Variants in DCLRE1A observed in about 807,000 individuals in gnomAD.
The protein encoded by DCLRE1A is DNA cross-link repair 1A protein.
A neutral mutation model predicts 91.9 loss-of-function variants in DCLRE1A; 64 were observed. That is an observed-to-expected ratio of 0.70 (90% CI 0.57 to 0.86). The LOEUF (loss-of-function observed/expected upper bound fraction) is 0.86, where lower values mean the gene tolerates loss of function less well. Among genes scored for constraint, DCLRE1A ranks in the 40% least tolerant of loss-of-function variants. The probability of loss-of-function intolerance (pLI) is 0.00; values close to 1 mark genes in which losing one functional copy is unlikely to be tolerated. For synonymous variants in DCLRE1A, 416 were observed against 431.1 expected, an observed-to-expected ratio of 0.96 and a Z score of 0.43; for missense variants, 1,145 against 1,213.3, an observed-to-expected ratio of 0.94 and a Z score of 0.84.
chr10:113,839,247 C>T (rs1222373557), intron 7 of DCLRE1A, among the ~76,000 whole-genome samples: 1 of 146,444 alleles, frequency 6.8e-6, no homozygotes, highest in Non-Finnish European at 1.5e-5. Flanking sequence ...ATAGCATGAA[C>T]CCGGGAGGTG....
intron 5 of DCLRE1A, among the ~76,000 whole-genome samples, chr10:113,843,645 G>A (rs1478073637): frequency 1.3e-5 from 2 of 152,166 alleles, no homozygotes; most frequent in African/African-American, 4.8e-5. Flanking sequence ...AATGGCTTGT[G>A]CCATTATATT....
chr10:113,852,818 C>T lies in DCLRE1A; in HGVS notation c.365G>A (p.Cys122Tyr), dbSNP rs1332389776. Residue 122 changes from cysteine to tyrosine, a missense_variant, in exon 1 of 9, where the codon TGT becomes TAT. Coordinates refer to ENST00000361384, the MANE Select transcript of DCLRE1A (RefSeq NM_014881.5). ...GGAAAAAGGCATCTGGCAATTTGGA[C>T]AGTATCCATCATAAACTGGACGTAT... ...PKIRPVYDGY[C>Y]PNCQMPFSSL... 1 of 1,614,056 alleles carries T rather than the reference C, an allele frequency of 6.2e-7. No homozygotes were observed. Among genetic ancestry groups the T allele is most frequent in the Non-Finnish European group, 8.5e-7 (1 of 1,180,030 alleles).
At position 113,849,146 on chromosome 10, in the gene DCLRE1A, T is replaced by G. The variant is rs764138267; in HGVS notation, c.1959A>C (p.Ser653=). Residue 653 remains serine, a synonymous_variant, in exon 2 of 9, where the codon TCA becomes TCC. Coordinates refer to ENST00000361384, the MANE Select transcript of DCLRE1A (RefSeq NM_014881.5). ...SLQEGACQKR[S]DHLINTESEA... is the part of the protein sequence containing the mutation. Reference sequence around the variant, plus strand: ...CAGATTCTGTATTAATAAGGTGATCTGATCTCTTCTGACACGCTCCTTCCT... The same window carrying G: ...CAGATTCTGTATTAATAAGGTGATCGGATCTCTTCTGACACGCTCCTTCCT... 4 of 1,614,148 alleles carry G rather than the reference T, an allele frequency of 2.5e-6. No individual in the cohort carries two copies. The highest frequency in any genetic ancestry group is 3.4e-6 in the Non-Finnish European group (4 of 1,180,020).
rs1180887578 is a variant in DCLRE1A at position 113,853,453 on chromosome 10, T to C, written c.-271A>G. 2 of 324,292 alleles carry C rather than the reference T, an allele frequency of 6.2e-6. No individual in the cohort carries two copies. The highest frequency in any genetic ancestry group is 1.1e-5 in the Non-Finnish European group (2 of 179,238). 20.1% of individuals were successfully genotyped at this position (324,292 alleles called of 1,614,324 possible). A position where few individuals can be genotyped will look rare whatever the true frequency, so the allele number is the denominator to read the frequency against. On this transcript the variant is annotated 5_prime_UTR_variant, in exon 1 of 9. In the 5' UTR this introduces an upstream ATG that the reference lacks. Coordinates refer to ENST00000361384, the MANE Select transcript of DCLRE1A (RefSeq NM_014881.5). ...GAGTAGCAACTGTGAAGTTCTCCAT[T>C]ATGGGTGCTATTTCATTCAAATATC...
intron 8 of DCLRE1A, among the ~76,000 whole-genome samples, chr10:113,835,882 C>T (rs1460765962): frequency 1.3e-5 from 2 of 152,136 alleles, no homozygotes; most frequent in Non-Finnish European, 2.9e-5. Context: ...TTGCAGTGAG[C>T]CGAGATCGTG....
At chr10:113,839,345 A>G (rs888808120) in intron 7 of DCLRE1A, among the ~76,000 whole-genome samples, 2 of 151,390 alleles carry the variant, frequency 1.3e-5, no homozygotes, top group African/African-American at 4.8e-5. Context: ...AAAAAAAAAA[A>G]AAAAAGAAAT....
chr10:113,844,065 C>T (rs999144839), intron 5 of DCLRE1A, 39 bp downstream of exon 5: 2 of 1,610,320 alleles, frequency 1.2e-6, no homozygotes, highest in African/African-American at 2.7e-5. Context: ...CAAAGGCTGT[C>T]AGTGGGAAAA....
chr10:113,850,959 T>C (rs1172330529), intron 1 of DCLRE1A, among the ~76,000 whole-genome samples: 1 of 152,124 alleles, frequency 6.6e-6, no homozygotes, highest in African/African-American at 2.4e-5. Flanking sequence ...TTTCCAGATT[T>C]ATCAAAAAAT....
At chr10:113,836,910 A>G in intron 8 of DCLRE1A, 152 bp downstream of exon 8, 1 of 633,082 alleles carries the variant, frequency 1.6e-6, no homozygotes, top group South Asian at 2.5e-5. Context: ...ACAATGGACT[A>G]GATACAGGAT....
At chr10:113,836,987 G>A in intron 8 of DCLRE1A, 75 bp downstream of exon 8, 2 of 1,326,144 alleles carry the variant, frequency 1.5e-6, no homozygotes, top group Admixed American at 5.2e-5. Flanking sequence ...TGTTGGATTT[G>A]AACCTTATTA....
Position 113,852,891 on chromosome 10 carries a change from G to A in DCLRE1A, c.292C>T (p.Pro98Ser). 6.2e-7 allele frequency: 1 copy of A among 1,614,088 alleles called. No individual in the cohort carries two copies. Among genetic ancestry groups the A allele is most frequent in the Non-Finnish European group, 8.5e-7 (1 of 1,180,024 alleles). ...IQQTQDKETT[P>S]GKLCRTQKSQ... Reference sequence around the variant, plus strand: ...TTTTGAGTTCTACAGAGTTTTCCTGGAGTAGTTTCCTTGTCTTGGGTCTGC... The same window carrying A: ...TTTTGAGTTCTACAGAGTTTTCCTGAAGTAGTTTCCTTGTCTTGGGTCTGC... The change falls in exon 1 of 9, where the codon CCA becomes TCA. Residue 98 changes from proline to serine, a missense_variant. Transcript: ENST00000361384.
At chr10:113,846,217 G>A (rs1845534718) in intron 3 of DCLRE1A, among the ~76,000 whole-genome samples, 1 of 152,048 alleles carries the variant, frequency 6.6e-6, no homozygotes, top group African/African-American at 2.4e-5. Flanking sequence ...GCCTGGTCCT[G>A]GAATCAGACA....
chr10:113,844,592 T>C (rs1438344526), intron 4 of DCLRE1A, among the ~76,000 whole-genome samples: 1 of 152,214 alleles, frequency 6.6e-6, no homozygotes, highest in East Asian at 1.9e-4. Context: ...GATACTAGCT[T>C]GACGCTAACT....
chr10:113,836,760 T>C (rs1845368684), intron 8 of DCLRE1A, among the ~76,000 whole-genome samples: 1 of 152,222 alleles, frequency 6.6e-6, no homozygotes, highest in Admixed American at 6.5e-5. Flanking sequence ...TCTCACATTG[T>C]CATCTATACT....
intron 6 of DCLRE1A, 86 bp downstream of exon 6, chr10:113,842,257 C>A: frequency 1.8e-6 from 2 of 1,135,916 alleles, no homozygotes; most frequent in Admixed American, 2.5e-5. Flanking sequence ...TTATCAAATG[C>A]AAGAGTAGAA....
chr10:113,842,961 T>C (rs1179977174), intron 5 of DCLRE1A, among the ~76,000 whole-genome samples: 2 of 152,054 alleles, frequency 1.3e-5, no homozygotes, highest in Admixed American at 1.3e-4. Context: ...ACATGGTTGA[T>C]ATTAATATCA....
At chr10:113,843,610 A>G (rs1393865127) in intron 5 of DCLRE1A, among the ~76,000 whole-genome samples, 1 of 152,268 alleles carries the variant, frequency 6.6e-6, no homozygotes. Context: ...AAAGCTAGGG[A>G]GAAATACATA....
intron 6 of DCLRE1A, among the ~76,000 whole-genome samples, chr10:113,841,797 C>A (rs933562784): frequency 4.6e-5 from 7 of 151,948 alleles, no homozygotes; most frequent in Non-Finnish European, 1.5e-5. Context: ...TTAAAAACTG[C>A]AAAAGTGTAT....
chr10:113,850,468 A>C lies in DCLRE1A; in HGVS notation c.637T>G (p.Trp213Gly). The change falls in exon 2 of 9, where the codon TGG becomes GGG. Residue 213 changes from tryptophan (W) to glycine (G), a missense_variant. Trp to Gly is a radical substitution (Grantham distance 184). Transcript: ENST00000361384. ...TCAGTTTGGTTCTGATACGAAGACC[A>C]TCTTTCCTCAAGGCTACAAAGGACG... ...SGVLCSLEERWSSYQNQTDNS... is the reference protein window; with the variant it reads ...SGVLCSLEERGSSYQNQTDNS... 1 of 1,614,182 alleles carries C rather than the reference A, an allele frequency of 6.2e-7. No homozygotes were observed. Among genetic ancestry groups the C allele is most frequent in the East Asian group, 2.2e-5 (1 of 44,876 alleles).
Sources: gnomAD v4.1 joint callset for allele counts (sites outside exome capture counted in the v4.1 genomes callset) on GRCh38, gnomAD v4.1.1 for gene constraint, MANE v1.5 for transcripts, NCBI Gene and HGNC (gene_info 2026-07-23, HGNC 2026-07-21) for gene names.